The following PRKAG2 variants were observed in gnomAD, a reference collection of about 807,000 sequenced individuals.
The protein encoded by PRKAG2 is 5'-AMP-activated protein kinase subunit gamma-2.
PRKAG2 carries 26 observed loss-of-function variants against 69.6 expected under a neutral mutation model. The observed-to-expected ratio is 0.37, with a 90% CI of 0.27 to 0.52. The LOEUF (loss-of-function observed/expected upper bound fraction) is 0.52, where lower values mean the gene tolerates loss of function less well. Ranked by LOEUF, PRKAG2 falls within the 20% of genes least tolerant of loss-of-function variation. The pLI, the probability that PRKAG2 is intolerant of heterozygous loss-of-function variation, is 0.90. For missense variants in PRKAG2, 557 were observed against 740.0 expected (o/e 0.75, Z 2.87); for synonymous variants, 293 against 285.0 (o/e 1.03, Z -0.28).
At chr7:151,824,689 G>A (rs893224634) in intron 1 of PRKAG2, among the ~76,000 whole-genome samples, 2 of 152,116 alleles carry the variant, frequency 1.3e-5, no homozygotes, top group African/African-American at 2.4e-5. Context: ...TTCAGCCTGC[G>A]GTTCCCAAAA....
At chr7:151,868,803 C>A (rs1200945483) in intron 1 of PRKAG2, among the ~76,000 whole-genome samples, 1 of 152,192 alleles carries the variant, frequency 6.6e-6, no homozygotes, top group Non-Finnish European at 1.5e-5. Flanking sequence ...AGACACTGGC[C>A]ATGAGCTGAA....
At chr7:151,647,600 G>A (rs146647138) in intron 4 of PRKAG2, among the ~76,000 whole-genome samples, 65 of 152,282 alleles carry the variant, frequency 4.3e-4, no homozygotes, top group African/African-American at 1.4e-3. Flanking sequence ...TTCGGGTGGC[G>A]GCTGTGGCAG....
At chr7:151,577,509 GCTC>G (rs1469459074) in intron 6 of PRKAG2, among the ~76,000 whole-genome samples, 1 of 152,182 alleles carries the variant, frequency 6.6e-6, no homozygotes, top group Non-Finnish European at 1.5e-5. Context: ...TAAAGTTGCA[GCTC>G]CTAATACAAG....
intron 3 of PRKAG2, among the ~76,000 whole-genome samples, chr7:151,768,537 C>A (rs1210886400): frequency 1.3e-5 from 2 of 152,216 alleles, no homozygotes; most frequent in Non-Finnish European, 2.9e-5. Flanking sequence ...ACGATCCTGG[C>A]TCACTGCAGC....
At chr7:151,563,784 G>A (rs1451002171) in intron 14 of PRKAG2, among the ~76,000 whole-genome samples, 2 of 152,178 alleles carry the variant, frequency 1.3e-5, no homozygotes, top group Admixed American at 6.5e-5. Flanking sequence ...GTCTTATTAT[G>A]TCGTCCACAC....
chr7:151,778,620 G>T (rs1002543921), intron 3 of PRKAG2, among the ~76,000 whole-genome samples: 2 of 152,214 alleles, frequency 1.3e-5, no homozygotes, highest in Non-Finnish European at 2.9e-5. Flanking sequence ...CGGGGCCTTG[G>T]CTGTCCCCAG....
chr7:151,636,016 T>C (rs892717261), intron 4 of PRKAG2, among the ~76,000 whole-genome samples: 1 of 145,564 alleles, frequency 6.9e-6, no homozygotes, highest in Non-Finnish European at 1.5e-5. Context: ...TACAGGCTAA[T>C]TTTTTGTATT....
At chr7:151,671,079 CAGG>C (rs1351872549) in intron 4 of PRKAG2, among the ~76,000 whole-genome samples, 1 of 143,620 alleles carries the variant, frequency 7.0e-6, no homozygotes, top group Admixed American at 7.5e-5. Flanking sequence ...GAGGCCGAGG[CAGG>C]AGAATTGCTT....
At chr7:151,703,932 G>A (rs1838184065) in intron 3 of PRKAG2, among the ~76,000 whole-genome samples, 1 of 147,206 alleles carries the variant, frequency 6.8e-6, no homozygotes, top group East Asian at 2.0e-4. Context: ...CATGGTGGCA[G>A]GTGCCTGTAA....
At chr7:151,783,912 C>CAAAAAA (rs536105914) in intron 2 of PRKAG2, among the ~76,000 whole-genome samples, 5 of 28,946 alleles carry the variant, frequency 1.7e-4, no homozygotes, top group African/African-American at 5.9e-4. Context: ...GACCCTGTCT[C>CAAAAAA]AAAAAAAAAA....
chr7:151,738,438 C>T (rs927132717), intron 3 of PRKAG2, among the ~76,000 whole-genome samples: 7 of 152,282 alleles, frequency 4.6e-5, no homozygotes, highest in African/African-American at 1.7e-4. Context: ...GGCCCCAAAA[C>T]TGGCCATAAA....
chr7:151,557,050 T>C lies in PRKAG2; in HGVS notation c.*151A>G. 1 of 1,332,942 alleles carries C rather than the reference T, an allele frequency of 7.5e-7. No individual in the cohort carries two copies. The allele number at this position is 1,332,942 out of a possible 1,614,324, so 82.6% of individuals were successfully genotyped here. A position where few individuals can be genotyped will look rare whatever the true frequency, so the allele number is the denominator to read the frequency against. ...CTTCAAGCACATAAAATCTTTCTTT[T>C]TTAAGCTTAATTTCAACATCACTGG... On this transcript the variant is annotated 3_prime_UTR_variant, in exon 16 of 16. Transcript: ENST00000287878.
At chr7:151,633,334 T>A (rs1487688620) in intron 4 of PRKAG2, among the ~76,000 whole-genome samples, 1 of 152,124 alleles carries the variant, frequency 6.6e-6, no homozygotes, top group Non-Finnish European at 1.5e-5. Context: ...CTGTTTTCCC[T>A]ATGAAGTTCA....
At chr7:151,823,528 A>G (rs1341520862) in intron 1 of PRKAG2, among the ~76,000 whole-genome samples, 1 of 151,274 alleles carries the variant, frequency 6.6e-6, no homozygotes, top group East Asian at 2.0e-4. Flanking sequence ...CAGGGACAAG[A>G]GAGTAGATCC....
chr7:151,659,378 T>G (rs1359459655), intron 4 of PRKAG2, among the ~76,000 whole-genome samples: 1 of 152,204 alleles, frequency 6.6e-6, no homozygotes, highest in Non-Finnish European at 1.5e-5. Context: ...CCACTCCCAT[T>G]TAAGTCAGGT....
At chr7:151,566,149 C>T (rs1292953443) in intron 11 of PRKAG2, among the ~76,000 whole-genome samples, 1 of 152,214 alleles carries the variant, frequency 6.6e-6, no homozygotes, top group Non-Finnish European at 1.5e-5. Flanking sequence ...CTCCTCTTCA[C>T]TCACTAAGAA....
chr7:151,851,166 C>T (rs551292740), intron 1 of PRKAG2, among the ~76,000 whole-genome samples: 84 of 152,224 alleles, frequency 5.5e-4, no homozygotes, highest in Non-Finnish European at 8.2e-4. Flanking sequence ...AAAGAAACGT[C>T]GCCCATGCCA....
chr7:151,613,132 G>A (rs1300591700), intron 5 of PRKAG2, among the ~76,000 whole-genome samples: 1 of 152,226 alleles, frequency 6.6e-6, no homozygotes, highest in African/African-American at 2.4e-5. Flanking sequence ...CTAAGACTGG[G>A]CAGATGGAAG....
chr7:151,707,912 C>T (rs892795548), intron 3 of PRKAG2, among the ~76,000 whole-genome samples: 8 of 152,204 alleles, frequency 5.3e-5, no homozygotes, highest in East Asian at 1.9e-4. Context: ...AGCCCAATAG[C>T]GAACATGGTG....
Sources: allele counts gnomAD v4.1 joint callset (sites outside exome capture counted in the v4.1 genomes callset), GRCh38; gene constraint gnomAD v4.1.1; transcripts MANE v1.5; gene names NCBI Gene and HGNC (gene_info 2026-07-23, HGNC 2026-07-21).